Variants in ROBO2 observed in about 807,000 individuals in gnomAD.
ROBO2 encodes the protein roundabout guidance receptor 2, also known as roundabout homolog 2.
A neutral mutation model predicts 160.8 loss-of-function variants in ROBO2; 53 were observed. The observed-to-expected ratio is 0.33, with a 90% CI of 0.26 to 0.41. The LOEUF (loss-of-function observed/expected upper bound fraction) is 0.41, where lower values mean the gene tolerates loss of function less well. Ranked by LOEUF, ROBO2 falls within the 10% of genes least tolerant of loss-of-function variation. The pLI, the probability that ROBO2 is intolerant of heterozygous loss-of-function variation, is 1.00. For missense variants in ROBO2, 1,577 were observed against 1,722.4 expected (o/e 0.92, Z 1.49); for synonymous variants, 664 against 611.7 (o/e 1.09, Z -1.26).
At chr3:76,505,241 T>A (rs2080732461) in intron 2 of ROBO2, among the ~76,000 whole-genome samples, 5 of 152,186 alleles carry the variant, frequency 3.3e-5, no homozygotes, top group Admixed American at 3.3e-4. Context: ...GATCTTTTGG[T>A]AAAATGCAGC....
intron 2 of ROBO2, among the ~76,000 whole-genome samples, chr3:77,002,567 A>C: frequency 6.6e-6 from 1 of 152,008 alleles, no homozygotes; most frequent in East Asian, 1.9e-4. Flanking sequence ...ATAGTTTAGT[A>C]TTAAAAAGTG....
chr3:77,307,396 G>A (rs1433175014), intron 2 of ROBO2, among the ~76,000 whole-genome samples: 3 of 152,130 alleles, frequency 2.0e-5, no homozygotes, highest in Non-Finnish European at 4.4e-5. Flanking sequence ...CTAAGGGATT[G>A]CAAACATAAA....
chr3:77,242,101 A>G (rs1218710659), intron 2 of ROBO2, among the ~76,000 whole-genome samples: 1 of 152,338 alleles, frequency 6.6e-6, no homozygotes, highest in East Asian at 1.9e-4. Context: ...GCATGCTGAA[A>G]TATGTATTAC....
intron 2 of ROBO2, among the ~76,000 whole-genome samples, chr3:76,715,126 A>T (rs2093358726): frequency 6.6e-6 from 1 of 152,158 alleles, no homozygotes; most frequent in Admixed American, 6.5e-5. Context: ...ACACAGAGAA[A>T]GAGGTCTTTT....
At chr3:76,541,916 CA>C (rs2082841019) in intron 2 of ROBO2, among the ~76,000 whole-genome samples, 1 of 152,150 alleles carries the variant, frequency 6.6e-6, no homozygotes, top group South Asian at 2.1e-4. Flanking sequence ...ATTACTTTCC[CA>C]CTTCCTTCTT....
chr3:77,615,827 T>C (rs2094762594), intron 21 of ROBO2, among the ~76,000 whole-genome samples: 1 of 152,224 alleles, frequency 6.6e-6, no homozygotes, highest in South Asian at 2.1e-4. Context: ...TAAATTCAGC[T>C]TTTAAACAAA....
In ROBO2 at chr3:77,009,291, C is replaced by T. The variant is rs73841802; in HGVS notation, c.110-88723C>T. Among the ~76,000 whole-genome samples, 963 of 152,224 alleles carry T rather than the reference C, an allele frequency of 6.3e-3. 9 individuals are homozygous for T. The highest frequency in any genetic ancestry group is 0.022 in the African/African-American group (916 of 41,530). On this transcript the variant is annotated intron_variant, in intron 2 of 26. Coordinates refer to the ROBO2 transcript ENST00000487694. Reference sequence around the variant, plus strand: ...ACTGAAATACTGAGAAAATTGATTGCGGTTTGCAGTTAACTTTTCCCTTTG... The same window carrying T: ...ACTGAAATACTGAGAAAATTGATTGTGGTTTGCAGTTAACTTTTCCCTTTG...
intron 2 of ROBO2, among the ~76,000 whole-genome samples, chr3:76,820,304 C>T (rs2066007803): frequency 6.6e-6 from 1 of 151,974 alleles, no homozygotes; most frequent in Non-Finnish European, 1.5e-5. Flanking sequence ...AAAATTCTCC[C>T]TGGCATAACA....
At chr3:77,184,364 A>T (rs2081084640) in intron 2 of ROBO2, among the ~76,000 whole-genome samples, 1 of 152,050 alleles carries the variant, frequency 6.6e-6, no homozygotes, top group African/African-American at 2.4e-5. Flanking sequence ...GATGAATTAG[A>T]AGTGGACTTT....
intron 2 of ROBO2, among the ~76,000 whole-genome samples, chr3:77,252,387 T>C (rs1326858591): frequency 6.6e-6 from 1 of 152,180 alleles, no homozygotes; most frequent in African/African-American, 2.4e-5. Flanking sequence ...CACTCTTTTT[T>C]AAATAAACAA....
chr3:77,159,411 T>A (rs1462006507), intron 2 of ROBO2, among the ~76,000 whole-genome samples: 4 of 152,136 alleles, frequency 2.6e-5, no homozygotes, highest in African/African-American at 9.7e-5. Flanking sequence ...AGGGGGTGTT[T>A]TAGCAGGTTC....
At chr3:77,217,372 G>C (rs1370654430) in intron 2 of ROBO2, among the ~76,000 whole-genome samples, 1 of 151,934 alleles carries the variant, frequency 6.6e-6, no homozygotes, top group Non-Finnish European at 1.5e-5. Context: ...CAAACTCCTG[G>C]CCTCAGGTGA....
intron 2 of ROBO2, among the ~76,000 whole-genome samples, chr3:76,674,615 C>CACACACAG: frequency 6.6e-6 from 1 of 152,022 alleles, no homozygotes. Context: ...CACACACACA[C>CACACACAG]ACACACACAC....
intron 2 of ROBO2, among the ~76,000 whole-genome samples, chr3:77,128,899 T>G (rs1362677384): frequency 6.6e-6 from 1 of 152,192 alleles, no homozygotes; most frequent in Non-Finnish European, 1.5e-5. Context: ...TATCTGAAAA[T>G]TCAGGCTTAC....
At chr3:75,929,879 G>A (rs1364923184) in intron 1 of ROBO2, among the ~76,000 whole-genome samples, 1 of 152,144 alleles carries the variant, frequency 6.6e-6, no homozygotes, top group Non-Finnish European at 1.5e-5. Context: ...ATTTTTGGTA[G>A]AGACTGGGTT....
intron 2 of ROBO2, among the ~76,000 whole-genome samples, chr3:75,955,113 T>C (rs1199263996): frequency 6.6e-6 from 1 of 151,800 alleles, no homozygotes; most frequent in African/African-American, 2.4e-5. Context: ...CTAGTACCAA[T>C]AGAAACAAAT....
At chr3:75,957,616 A>G (rs879296592) in intron 2 of ROBO2, among the ~76,000 whole-genome samples, 1 of 151,438 alleles carries the variant, frequency 6.6e-6, no homozygotes, top group Non-Finnish European at 1.5e-5. Flanking sequence ...TCTGACTTTT[A>G]AGTTAATGTC....
At chr3:76,960,436 CAT>C (rs1170313052) in intron 2 of ROBO2, among the ~76,000 whole-genome samples, 1 of 148,088 alleles carries the variant, frequency 6.8e-6, no homozygotes, top group East Asian at 2.0e-4. Context: ...AATGTATGTG[CAT>C]ATATCTGTAT....
chr3:76,592,008 A>G (rs2108835505), intron 2 of ROBO2, among the ~76,000 whole-genome samples: 1 of 152,208 alleles, frequency 6.6e-6, no homozygotes, highest in Non-Finnish European at 1.5e-5. Context: ...AGCAGTAATA[A>G]GTTAAGAGCT....
Sources: allele counts gnomAD v4.1 joint callset (sites outside exome capture counted in the v4.1 genomes callset), GRCh38; gene constraint gnomAD v4.1.1; transcripts MANE v1.5; gene names NCBI Gene and HGNC (gene_info 2026-07-23, HGNC 2026-07-21).